PTPRT: variants seen among roughly 807,000 people sequenced by gnomAD.
PTPRT encodes receptor-type tyrosine-protein phosphatase T.
Under a neutral mutation model 176.8 loss-of-function variants are expected in PTPRT, and 56 were observed. That is an observed-to-expected ratio of 0.32 (90% CI 0.26 to 0.40). The LOEUF (loss-of-function observed/expected upper bound fraction) is 0.40. Among genes scored for constraint, PTPRT ranks in the 10% least tolerant of loss-of-function variants. The probability of loss-of-function intolerance (pLI) is 1.00; values close to 1 mark genes in which losing one functional copy is unlikely to be tolerated. For synonymous variants in PTPRT, 783 were observed against 739.0 expected, an observed-to-expected ratio of 1.06 and a Z score of -0.96; for missense variants, 1,540 against 1,908.2, an observed-to-expected ratio of 0.81 and a Z score of 3.60.
At chr20:42,922,376 A>G (rs1319891829) in intron 1 of PTPRT, among the ~76,000 whole-genome samples, 1 of 152,152 alleles carries the variant, frequency 6.6e-6, no homozygotes, top group Non-Finnish European at 1.5e-5. Context: ...CACAACTTGA[A>G]ATAGTATCCA....
intron 15 of PTPRT, among the ~76,000 whole-genome samples, chr20:42,207,302 G>C (rs2146715494): frequency 6.6e-6 from 1 of 152,086 alleles, no homozygotes; most frequent in East Asian, 1.9e-4. Context: ...GAATGACTTT[G>C]ACGAGCTGAG....
intron 7 of PTPRT, among the ~76,000 whole-genome samples, chr20:42,552,282 G>A (rs1320025755): frequency 9.2e-5 from 14 of 152,252 alleles, no homozygotes; most frequent in Non-Finnish European, 1.6e-4. Flanking sequence ...AAGAGAGATG[G>A]CAGATGCCAC....
chr20:42,529,110 C>T (rs115043251), intron 7 of PTPRT, among the ~76,000 whole-genome samples: 3 of 152,172 alleles, frequency 2.0e-5, no homozygotes, highest in African/African-American at 4.8e-5. Flanking sequence ...TTTAAATTAA[C>T]GTGCTCAAGT....
At chr20:42,552,202 C>T (rs1011532269) in intron 7 of PTPRT, among the ~76,000 whole-genome samples, 1 of 152,148 alleles carries the variant, frequency 6.6e-6, no homozygotes, top group Non-Finnish European at 1.5e-5. Context: ...TTCAAACCAG[C>T]TTCCTGAGCA....
intron 13 of PTPRT, among the ~76,000 whole-genome samples, chr20:42,269,412 T>G (rs2056892936): frequency 6.6e-6 from 1 of 152,218 alleles, no homozygotes; most frequent in South Asian, 2.1e-4. Flanking sequence ...GGCCATTGTC[T>G]GGGCAAGGAC....
intron 9 of PTPRT, among the ~76,000 whole-genome samples, chr20:42,410,975 C>G (rs773566582): frequency 6.6e-6 from 1 of 151,858 alleles, no homozygotes; most frequent in African/African-American, 2.4e-5. Flanking sequence ...TATTAGAAAA[C>G]AGAAAAGTTC....
chr20:43,149,818 C>T (rs1292509133), intron 1 of PTPRT, among the ~76,000 whole-genome samples: 1 of 152,202 alleles, frequency 6.6e-6, no homozygotes, highest in African/African-American at 2.4e-5. Flanking sequence ...ATCTGCTGCA[C>T]AGCATCTGGA....
chr20:43,059,167 C>T (rs924197342), intron 1 of PTPRT, among the ~76,000 whole-genome samples: 6 of 152,294 alleles, frequency 3.9e-5, no homozygotes, highest in South Asian at 2.1e-4. Flanking sequence ...TCCTGGCTTC[C>T]GTTAAGACTG....
Position 42,472,380 on chromosome 20 carries a change from GGGA to G in PTPRT, c.1333_1335del (p.Ser445del), listed in dbSNP as rs2071213166. The G allele has an allele frequency of 1.9e-6, 3 of 1,614,128 alleles. No homozygotes were observed. The highest frequency in any genetic ancestry group is 2.7e-5 in the African/African-American group (2 of 75,034). ...GGGCGCAGGCCTCGCAGGGTGTAGT[GGGA>G]GGAGGTCTGGATGACCTCCTCGGCC... On this transcript the variant is annotated inframe_deletion, in exon 8 of 31. Transcript: ENST00000373187.
intron 15 of PTPRT, among the ~76,000 whole-genome samples, chr20:42,235,123 A>T (rs1296744198): frequency 6.6e-6 from 1 of 152,110 alleles, no homozygotes; most frequent in Non-Finnish European, 1.5e-5. Context: ...CAATTTCCAA[A>T]AATAGAAAGT....
chr20:42,614,733 A>G (rs1366059732), intron 7 of PTPRT, among the ~76,000 whole-genome samples: 1 of 152,130 alleles, frequency 6.6e-6, no homozygotes, highest in African/African-American at 2.4e-5. Flanking sequence ...TGCTGCTGAT[A>G]AGGACATACC....
chr20:42,231,469 T>G (rs2056133763), intron 15 of PTPRT, among the ~76,000 whole-genome samples: 1 of 152,180 alleles, frequency 6.6e-6, no homozygotes. Flanking sequence ...ATTGGGTAAG[T>G]ATATATAGTA....
chr20:42,765,834 T>C (rs1187486697), intron 5 of PTPRT, among the ~76,000 whole-genome samples: 1 of 152,218 alleles, frequency 6.6e-6, no homozygotes, highest in Non-Finnish European at 1.5e-5. Context: ...AAATCTGATA[T>C]TTAATGATAC....
intron 17 of PTPRT, among the ~76,000 whole-genome samples, chr20:42,148,125 T>C (rs562420377): frequency 6.6e-6 from 1 of 152,302 alleles, no homozygotes; most frequent in Non-Finnish European, 1.5e-5. Flanking sequence ...CATCTCATTA[T>C]ATTCATCCAT....
At chr20:42,864,822 T>C (rs1021948976) in intron 2 of PTPRT, among the ~76,000 whole-genome samples, 7 of 152,218 alleles carry the variant, frequency 4.6e-5, no homozygotes, top group South Asian at 2.1e-4. Flanking sequence ...TTATTTTCCA[T>C]ATTGCAAAGT....
intron 7 of PTPRT, among the ~76,000 whole-genome samples, chr20:42,634,110 TA>T (rs1569039236): frequency 1.8e-5 from 1 of 54,154 alleles, no homozygotes; most frequent in African/African-American, 1.2e-4. Flanking sequence ...TATATTATAA[TA>T]ATATAATATA....
chr20:42,362,455 A>G (rs927072753), intron 9 of PTPRT, among the ~76,000 whole-genome samples: 3 of 152,092 alleles, frequency 2.0e-5, no homozygotes, highest in Non-Finnish European at 2.9e-5. Context: ...ATAACTGACC[A>G]GTATTCTTCA....
chr20:42,952,506 C>A (rs1981315109), intron 1 of PTPRT, among the ~76,000 whole-genome samples: 1 of 152,214 alleles, frequency 6.6e-6, no homozygotes, highest in Non-Finnish European at 1.5e-5. Flanking sequence ...AGCTCCATTA[C>A]CCTAGGCAAT....
intron 4 of PTPRT, 134 bp from the exon 5 acceptor site, chr20:42,771,684 A>C (rs774291914): frequency 7.8e-5 from 53 of 679,152 alleles, no homozygotes; most frequent in Non-Finnish European, 1.4e-4. Flanking sequence ...GGCTCAGTCA[A>C]GATTTCATTG....
Sources: allele counts gnomAD v4.1 joint callset (sites outside exome capture counted in the v4.1 genomes callset), GRCh38; gene constraint gnomAD v4.1.1; transcripts MANE v1.5; gene names NCBI Gene and HGNC (gene_info 2026-07-23, HGNC 2026-07-21).